The following LAMA2 variants were observed in gnomAD, a reference collection of about 807,000 sequenced individuals.
The protein encoded by LAMA2 is laminin subunit alpha 2.
Under a neutral mutation model 364.8 loss-of-function variants are expected in LAMA2, and 269 were observed. The ratio of observed to expected loss-of-function variants is 0.74; its 90% confidence interval spans 0.67 to 0.82. The LOEUF is 0.82. LAMA2 is among the 40% of genes least tolerant of loss of function. The pLI is 0.00. For synonymous variants in LAMA2, 1,379 were observed against 1,370.6 expected, an observed-to-expected ratio of 1.01 and a Z score of -0.14; for missense variants, 3,807 against 3,873.2, an observed-to-expected ratio of 0.98 and a Z score of 0.45.
intron 3 of LAMA2, among the ~76,000 whole-genome samples, chr6:129,077,588 T>C (rs1773742623): frequency 6.6e-6 from 1 of 152,188 alleles, no homozygotes. Context: ...GTATATGTAG[T>C]GCAACACAGA....
chr6:129,155,948 G>T (rs12663088), intron 8 of LAMA2, among the ~76,000 whole-genome samples: 5,647 of 151,930 alleles, frequency 0.037, 220 homozygotes, highest in East Asian at 0.15. Flanking sequence ...GGAAAATGGA[G>T]CTTGAGGAGA....
At chr6:129,320,940 T>C (rs1211296599) in intron 28 of LAMA2, among the ~76,000 whole-genome samples, 1 of 152,214 alleles carries the variant, frequency 6.6e-6, no homozygotes, top group African/African-American at 2.4e-5. Context: ...ATCTATTTTC[T>C]TGGACCACTT....
chr6:129,339,733 G>A (rs1039733187), intron 29 of LAMA2, among the ~76,000 whole-genome samples: 10 of 152,202 alleles, frequency 6.6e-5, no homozygotes, highest in African/African-American at 1.9e-4. Context: ...GGCTGGGCAC[G>A]GCAGCTCCCG....
In LAMA2 at chr6:129,050,002, A is replaced by C. The variant is rs749528023; in HGVS notation, c.197A>C (p.Tyr66Ser). Residue 66 changes from tyrosine (Y) to serine (S), a missense_variant, in exon 2 of 65, where the codon TAC (tyrosine) becomes TCC (serine). Physicochemically the swap from Tyr to Ser is moderately radical, Grantham distance 144. Around this residue, in one of 3 missense-constraint regions of LAMA2, gnomAD observed 394 missense variants for 403.5 expected, o/e 0.98. Transcript: ENST00000421865. ...ATCGEKGPEM[Y>S]CKLVEHVPGQ... ...TGTGGAGAAAAAGGACCTGAAATGT[A>C]CTGCAAATTGGTAGAACATGTCCCT... 1.2e-6 allele frequency: 2 copies of C among 1,613,976 alleles called. No homozygotes were observed. Among genetic ancestry groups the C allele is most frequent in the Middle Eastern group, 3.3e-4 (2 of 6,062 alleles).
intron 4 of LAMA2, among the ~76,000 whole-genome samples, chr6:129,098,858 G>A (rs561043251): frequency 1.3e-5 from 2 of 152,292 alleles, no homozygotes; most frequent in Admixed American, 1.3e-4. Context: ...ATCTTTTGAT[G>A]TTTTTCTGCT....
chr6:129,298,493 T>C (rs1773347323), intron 21 of LAMA2, among the ~76,000 whole-genome samples: 1 of 152,194 alleles, frequency 6.6e-6, no homozygotes, highest in African/African-American at 2.4e-5. Flanking sequence ...TAAGAAAATA[T>C]CACTTAGCAT....
At position 129,154,466 on chromosome 6, in the gene LAMA2, T is replaced by C. The variant is rs750605730; in HGVS notation, c.1028-39T>C. 1.6e-4 allele frequency: 252 copies of C among 1,528,046 alleles called. 1 individual carries two copies. The East Asian group carries it at 5.6e-3, about 34-fold the overall frequency. 94.7% of individuals were successfully genotyped at this position (1,528,046 alleles called of 1,614,324 possible). ...AAATGATTTTTAAATGTATCTGAAA[T>C]CAAATTGATGTTTATTAATTTATTT... is the stretch of plus-strand genomic sequence containing the variant. On this transcript the variant is annotated intron_variant, in intron 7 of 64. Coordinates refer to ENST00000421865, the MANE Select transcript of LAMA2 (RefSeq NM_000426.4).
chr6:128,978,403 C>T (rs1191134990), intron 1 of LAMA2, among the ~76,000 whole-genome samples: 9 of 145,772 alleles, frequency 6.2e-5, no homozygotes, highest in East Asian at 2.0e-4. Flanking sequence ...CTGCAACATT[C>T]GCCTCCCGGG....
At chr6:128,970,271 G>T (rs186616619) in intron 1 of LAMA2, among the ~76,000 whole-genome samples, 1 of 151,962 alleles carries the variant, frequency 6.6e-6, no homozygotes, top group African/African-American at 2.4e-5. Context: ...CTTTTATTAC[G>T]TGACAAGGTT....
At chr6:128,926,881 A>G (rs1779136868) in intron 1 of LAMA2, among the ~76,000 whole-genome samples, 4 of 152,248 alleles carry the variant, frequency 2.6e-5, no homozygotes, top group Admixed American at 1.3e-4. Flanking sequence ...ATTCCAGTAC[A>G]CTTCAGCTCT....
intron 2 of LAMA2, among the ~76,000 whole-genome samples, chr6:129,051,882 C>T (rs1177898895): frequency 1.3e-5 from 2 of 151,528 alleles, no homozygotes; most frequent in African/African-American, 4.8e-5. Context: ...GGGGCATGAA[C>T]GGAGTTGTGG....
In LAMA2 at chr6:129,388,385, G is replaced by C. The variant is rs1779142938; in HGVS notation, c.5072-3106G>C. ...CTTAATACATGATCATTTTGCTAAA[G>C]TCATTTTTGTGCACCTTAATGATTG... On this transcript the variant is annotated intron_variant, in intron 35 of 64. Transcript: ENST00000421865. 3.9e-5 allele frequency among the ~76,000 whole-genome samples: 6 copies of C among 152,224 alleles called. No individual in the cohort carries two copies. In the South Asian group the frequency reaches 1.2e-3, roughly 32 times the overall value.
Position 129,143,892 on chromosome 6 carries a change from A to G in LAMA2, c.640-9A>G, listed in dbSNP as rs375649338. The G allele has an allele frequency of 4.0e-5, 62 of 1,561,146 alleles. No individual in the cohort carries two copies. Among genetic ancestry groups the G allele is most frequent in the Non-Finnish European group, 5.2e-5 (59 of 1,134,190 alleles). ...ACATAATTGTTAAATTATTTTTCATATTGTGTAGATTCACATCTCTTTAAT... is the reference window on the plus strand; with the variant it reads ...ACATAATTGTTAAATTATTTTTCATGTTGTGTAGATTCACATCTCTTTAAT... On this transcript the variant is annotated splice_polypyrimidine_tract_variant and intron_variant, in intron 4 of 64. Transcript: ENST00000421865.
At chr6:129,224,865 A>G (rs955698298) in intron 12 of LAMA2, among the ~76,000 whole-genome samples, 4 of 152,282 alleles carry the variant, frequency 2.6e-5, no homozygotes, top group Middle Eastern at 3.4e-3. Flanking sequence ...GTTAGAGAGG[A>G]TTCCCTCTTT....
At chr6:129,198,153 T>C (rs976373389) in intron 12 of LAMA2, among the ~76,000 whole-genome samples, 2 of 152,126 alleles carry the variant, frequency 1.3e-5, no homozygotes, top group Non-Finnish European at 2.9e-5. Context: ...TAGGGCTACA[T>C]TGGCAGGAAT....
At position 129,456,468 on chromosome 6, in the gene LAMA2, G is replaced by T; in HGVS notation, c.6841G>T (p.Val2281Phe). ...LDVDANAMLF[V>F]GGLTGKLKKA... is the part of the protein sequence containing the mutation. ...TGTGGATGCAAATGCAATGCTGTTT[G>T]TTGGTGGCCTGACTGGGAAATTAAA... The change falls in exon 48 of 65, where the codon GTT (valine) becomes TTT (phenylalanine). Residue 2281 changes from valine (V) to phenylalanine (F), a missense_variant. By Grantham distance (50) the Val-to-Phe change is conservative. Coordinates refer to ENST00000421865, the MANE Select transcript of LAMA2 (RefSeq NM_000426.4). 1.2e-6 allele frequency: 2 copies of T among 1,613,532 alleles called. No homozygotes were observed. The highest frequency in any genetic ancestry group is 1.7e-6 in the Non-Finnish European group (2 of 1,179,598).
chr6:129,261,527 C>G (rs910718925), intron 15 of LAMA2, among the ~76,000 whole-genome samples: 3 of 152,004 alleles, frequency 2.0e-5, no homozygotes, highest in Non-Finnish European at 4.4e-5. Context: ...TACTTGAAAC[C>G]TGGTCAAAAA....
intron 1 of LAMA2, among the ~76,000 whole-genome samples, chr6:129,045,578 G>T (rs1787427187): frequency 1.3e-5 from 2 of 152,080 alleles, no homozygotes; most frequent in South Asian, 4.1e-4. Context: ...GGTTATATGG[G>T]AATTAAATAA....
chr6:129,226,728 A>T (rs1167974062), intron 12 of LAMA2, among the ~76,000 whole-genome samples: 1 of 151,646 alleles, frequency 6.6e-6, no homozygotes, highest in African/African-American at 2.4e-5. Context: ...CTTCCCTTTG[A>T]GGGTAACCCG....
Sources: gnomAD v4.1 joint callset for allele counts (sites outside exome capture counted in the v4.1 genomes callset) on GRCh38, gnomAD v4.1.1 for gene constraint, gnomAD v4.1.1 regional missense constraint, MANE v1.5 for transcripts, NCBI Gene and HGNC (gene_info 2026-07-23, HGNC 2026-07-21) for gene names.